Variants in KCNN2 observed in about 807,000 individuals in gnomAD.
The protein encoded by KCNN2 is potassium calcium-activated channel subfamily N member 2, also known as small conductance calcium-activated potassium channel protein 2.
In KCNN2, 24 loss-of-function variants were observed where a neutral mutation model predicts 55.5. That is an observed-to-expected ratio of 0.43 (90% CI 0.31 to 0.61). KCNN2 has a LOEUF of 0.61. Among genes scored for constraint, KCNN2 ranks in the 20% least tolerant of loss-of-function variants. The pLI is 0.08. For synonymous variants in KCNN2, 431 were observed against 336.1 expected (o/e 1.28, Z -3.09); for missense variants, 754 against 853.6 (o/e 0.88, Z 1.45).
At chr5:114,128,683 GT>G (rs1286313745) in intron 1 of KCNN2, among the ~76,000 whole-genome samples, 1 of 152,048 alleles carries the variant, frequency 6.6e-6, no homozygotes, top group African/African-American at 2.4e-5. Flanking sequence ...TATGTTTAGG[GT>G]CTGCCTGCTT....
chr5:114,473,255 G>A (rs762976638), intron 5 of KCNN2, 91 bp downstream of exon 5: 5 of 820,570 alleles, frequency 6.1e-6, no homozygotes, highest in Non-Finnish European at 1.0e-5. Flanking sequence ...ATCCGAAGCT[G>A]AAATGACATG....
At chr5:114,142,255 A>G (rs1359944203) in intron 1 of KCNN2, among the ~76,000 whole-genome samples, 1 of 152,116 alleles carries the variant, frequency 6.6e-6, no homozygotes, top group Non-Finnish European at 1.5e-5. Context: ...TAGGGTTTTT[A>G]TGGTTTTAGG....
chr5:114,134,562 G>A (rs780199530), intron 1 of KCNN2, among the ~76,000 whole-genome samples: 7 of 150,946 alleles, frequency 4.6e-5, no homozygotes, highest in Non-Finnish European at 8.8e-5. Flanking sequence ...TGCAACCTCC[G>A]CCCTCCGAGT....
intron 3 of KCNN2, among the ~76,000 whole-genome samples, chr5:114,410,302 A>G (rs1031867847): frequency 1.3e-5 from 2 of 152,196 alleles, no homozygotes; most frequent in Non-Finnish European, 2.9e-5. Flanking sequence ...TTCACCCCAA[A>G]GTGTGTTTTA....
intron 1 of KCNN2, among the ~76,000 whole-genome samples, chr5:114,084,317 T>C (rs1328698042): frequency 6.6e-6 from 1 of 152,110 alleles, no homozygotes; most frequent in African/African-American, 2.4e-5. Context: ...TTCTCATTGC[T>C]ACACAGTCCC....
At position 114,356,611 on chromosome 5, in the gene KCNN2, A is replaced by G. The variant is rs374193701; in HGVS notation, c.-184-4334A>G. 2.8e-3 allele frequency among the ~76,000 whole-genome samples: 420 copies of G among 152,204 alleles called. 4 individuals carry two copies. Among genetic ancestry groups the G allele is most frequent in the Middle Eastern group, 6.8e-3 (2 of 294 alleles). The stretch of plus-strand genomic sequence containing the variant: ...CAAGGGTGAGAACAGGAAAAACTGA[A>G]AAGTTAGGAAGTGAATGGATAGGCC... On this transcript the variant is annotated intron_variant, in intron 2 of 10. Coordinates refer to the KCNN2 transcript ENST00000512097.
intron 2 of KCNN2, among the ~76,000 whole-genome samples, chr5:114,286,437 A>C (rs991093391): frequency 6.6e-6 from 1 of 152,188 alleles, no homozygotes; most frequent in African/African-American, 2.4e-5. Flanking sequence ...GTAGAAGTTG[A>C]AACCAAGAAA....
chr5:114,173,213 C>A lies in KCNN2; in HGVS notation c.-270-48267C>A, dbSNP rs187239339. Among the ~76,000 whole-genome samples the A allele has an allele frequency of 1.8e-3, 276 of 152,050 alleles. 1 individual carries two copies. Among genetic ancestry groups the A allele is most frequent in the African/African-American group, 6.2e-3 (259 of 41,536 alleles). Reference sequence around the variant, plus strand: ...TCTTTTCCCCAACATATGTTGTTGGCACCTTTGTAAAAAATGAGTTCACGG... The same window carrying A: ...TCTTTTCCCCAACATATGTTGTTGGAACCTTTGTAAAAAATGAGTTCACGG... On this transcript the variant is annotated intron_variant, in intron 1 of 10. Coordinates refer to the KCNN2 transcript ENST00000512097.
chr5:114,093,764 A>T (rs1392512284), intron 1 of KCNN2, among the ~76,000 whole-genome samples: 2 of 152,190 alleles, frequency 1.3e-5, no homozygotes, highest in African/African-American at 4.8e-5. Flanking sequence ...TCACAAGAAC[A>T]GCATGTGGAA....
intron 2 of KCNN2, among the ~76,000 whole-genome samples, chr5:114,347,659 A>C (rs1336184320): frequency 6.6e-6 from 1 of 152,202 alleles, no homozygotes; most frequent in East Asian, 1.9e-4. Context: ...CTATGTGACC[A>C]CTAAAAACAG....
intron 1 of KCNN2, among the ~76,000 whole-genome samples, chr5:114,187,054 A>C (rs1230599903): frequency 6.6e-6 from 1 of 152,208 alleles, no homozygotes; most frequent in African/African-American, 2.4e-5. Context: ...ATTAAGGTTT[A>C]CTTTAGAAAC....
intron 4 of KCNN2, among the ~76,000 whole-genome samples, chr5:114,469,322 A>C (rs1228630112): frequency 6.6e-6 from 1 of 152,182 alleles, no homozygotes; most frequent in African/African-American, 2.4e-5. Context: ...GATGATAAAC[A>C]AGCCAAGCGA....
chr5:114,465,569 G>A (rs776105252), intron 4 of KCNN2, among the ~76,000 whole-genome samples: 22 of 151,024 alleles, frequency 1.5e-4, no homozygotes, highest in Non-Finnish European at 2.7e-4. Flanking sequence ...CCGAGATTGC[G>A]CCATGGCACT....
At chr5:114,084,677 T>C (rs1167420928) in intron 1 of KCNN2, among the ~76,000 whole-genome samples, 1 of 152,190 alleles carries the variant, frequency 6.6e-6, no homozygotes, top group African/African-American at 2.4e-5. Context: ...AATGAAGTGC[T>C]ACTTATCAAA....
At chr5:114,296,849 T>C (rs1348670930) in intron 2 of KCNN2, among the ~76,000 whole-genome samples, 1 of 152,224 alleles carries the variant, frequency 6.6e-6, no homozygotes, top group East Asian at 1.9e-4. Context: ...ATATATTTCT[T>C]CCTTTTCCTC....
intron 3 of KCNN2, among the ~76,000 whole-genome samples, chr5:114,459,543 G>A (rs1270845708): frequency 6.6e-6 from 1 of 152,080 alleles, no homozygotes; most frequent in Admixed American, 6.6e-5. Flanking sequence ...GTCTAATTTT[G>A]TTTCTGAGTT....
At chr5:114,298,292 T>A (rs1756073189) in intron 2 of KCNN2, among the ~76,000 whole-genome samples, 1 of 152,234 alleles carries the variant, frequency 6.6e-6, no homozygotes, top group Admixed American at 6.5e-5. Flanking sequence ...ACCAAGCTTC[T>A]AGTGCCTTCT....
chr5:114,400,250 A>G (rs903334575), intron 2 of KCNN2, among the ~76,000 whole-genome samples: 76 of 152,282 alleles, frequency 5.0e-4, no homozygotes, highest in African/African-American at 1.8e-3. Context: ...ATGGGCATTT[A>G]GTGCTATAAA....
intron 3 of KCNN2, among the ~76,000 whole-genome samples, chr5:114,437,636 A>T (rs921119005): frequency 6.6e-5 from 10 of 152,186 alleles, no homozygotes; most frequent in African/African-American, 2.4e-4. Context: ...ACATAGTTCA[A>T]ATCCTTCTGA....
Sources: allele counts gnomAD v4.1 joint callset (sites outside exome capture counted in the v4.1 genomes callset), GRCh38; gene constraint gnomAD v4.1.1; transcripts MANE v1.5; gene names NCBI Gene and HGNC (gene_info 2026-07-23, HGNC 2026-07-21).